Variants in RBFOX1 observed in about 807,000 individuals in gnomAD.
RBFOX1 encodes RNA binding protein fox-1 homolog 1.
In RBFOX1, 8 loss-of-function variants were observed where a neutral mutation model predicts 57.7. The observed-to-expected ratio is 0.14, with a 90% confidence interval of 0.08 to 0.25. RBFOX1 has a LOEUF of 0.25. Among genes scored for constraint, RBFOX1 ranks in the 10% least tolerant of loss-of-function variants. The pLI is 1.00. For synonymous variants in RBFOX1, 326 were observed against 222.4 expected (o/e 1.47, Z -4.15); for missense variants, 611 against 548.5 (o/e 1.11, Z -1.14).
At chr16:7,115,163 A>G (rs2065614551) in intron 4 of RBFOX1, among the ~76,000 whole-genome samples, 1 of 152,172 alleles carries the variant, frequency 6.6e-6, no homozygotes, top group African/African-American at 2.4e-5. Context: ...TAGTGGTGCA[A>G]CTTTTATAAA....
At chr16:5,651,925 G>T (rs1456962525) in intron 3 of RBFOX1, among the ~76,000 whole-genome samples, 1 of 152,128 alleles carries the variant, frequency 6.6e-6, no homozygotes, top group Non-Finnish European at 1.5e-5. Context: ...TTGAGGTCAG[G>T]AGTTCAAGAC....
At chr16:6,876,645 G>A (rs1220983656) in intron 3 of RBFOX1, among the ~76,000 whole-genome samples, 1 of 151,778 alleles carries the variant, frequency 6.6e-6, no homozygotes, top group Non-Finnish European at 1.5e-5. Flanking sequence ...TTTTCTAAGA[G>A]TACATTTCTC....
chr16:5,911,248 G>C (rs1057380798), intron 4 of RBFOX1, among the ~76,000 whole-genome samples: 6 of 152,094 alleles, frequency 3.9e-5, no homozygotes, highest in African/African-American at 1.4e-4. Flanking sequence ...TCCACTGTCT[G>C]TTTTTCACCC....
chr16:5,878,036 A>G (rs754325402), intron 4 of RBFOX1, among the ~76,000 whole-genome samples: 6 of 152,236 alleles, frequency 3.9e-5, no homozygotes, highest in Non-Finnish European at 8.8e-5. Context: ...ATTGGAGACT[A>G]TATACACAGA....
At chr16:5,255,002 C>G (rs2062548247) in intron 1 of RBFOX1, among the ~76,000 whole-genome samples, 1 of 152,262 alleles carries the variant, frequency 6.6e-6, no homozygotes, top group Non-Finnish European at 1.5e-5. Context: ...CTCTACCTGC[C>G]CAGCATGGCA....
intron 2 of RBFOX1, among the ~76,000 whole-genome samples, chr16:6,502,953 A>T (rs1265389115): frequency 6.6e-6 from 1 of 152,182 alleles, no homozygotes; most frequent in East Asian, 1.9e-4. Context: ...CCTTAATCTG[A>T]TATTATGGAA....
intron 3 of RBFOX1, among the ~76,000 whole-genome samples, chr16:5,715,828 G>A (rs1016849861): frequency 6.6e-6 from 1 of 152,184 alleles, no homozygotes; most frequent in Non-Finnish European, 1.5e-5. Context: ...AAAGCAAATA[G>A]CGAGAGAAGG....
At chr16:7,593,892 C>T (rs939196642) in intron 7 of RBFOX1, among the ~76,000 whole-genome samples, 4 of 152,206 alleles carry the variant, frequency 2.6e-5, no homozygotes, top group African/African-American at 9.6e-5. Context: ...CACTTGAATA[C>T]ATCCACATCC....
chr16:7,637,117 G>T (rs2061891921), intron 11 of RBFOX1, among the ~76,000 whole-genome samples: 1 of 152,158 alleles, frequency 6.6e-6, no homozygotes, highest in South Asian at 2.1e-4. Flanking sequence ...TTTCTTTATT[G>T]TTCCGTATGC....
intron 4 of RBFOX1, among the ~76,000 whole-genome samples, chr16:7,265,175 C>T (rs1218201324): frequency 1.3e-5 from 2 of 152,170 alleles, no homozygotes; most frequent in African/African-American, 4.8e-5. Context: ...ATCCAGTTGC[C>T]ATAGCAAAGT....
At chr16:7,043,180 C>T (rs1008976576) in intron 3 of RBFOX1, among the ~76,000 whole-genome samples, 1 of 152,146 alleles carries the variant, frequency 6.6e-6, no homozygotes, top group Non-Finnish European at 1.5e-5. Flanking sequence ...GCTCCAGAAA[C>T]AACTGACTGA....
At position 6,227,142 on chromosome 16, in the gene RBFOX1, A is replaced by G. The variant is rs2097424375; in HGVS notation, c.-126-89853A>G. ...CTGTCTCAAGAAAAAAAAAAGTAAT[A>G]TTATTATTACTGCCTCATATATCTT... On this transcript the variant is annotated intron_variant, in intron 1 of 15. Transcript: ENST00000550418. 2.6e-5 allele frequency among the ~76,000 whole-genome samples: 4 copies of G among 151,828 alleles called. No individual in the cohort carries two copies. The South Asian group carries it at 8.3e-4, about 32-fold the overall frequency.
intron 3 of RBFOX1, among the ~76,000 whole-genome samples, chr16:6,956,624 C>G (rs765669033): frequency 3.3e-5 from 5 of 152,218 alleles, no homozygotes; most frequent in Admixed American, 2.0e-4. Context: ...CACAGCCCGT[C>G]TTCCCTTCTT....
At chr16:6,742,394 T>C (rs1386439691) in intron 3 of RBFOX1, among the ~76,000 whole-genome samples, 1 of 152,160 alleles carries the variant, frequency 6.6e-6, no homozygotes, top group Non-Finnish European at 1.5e-5. Context: ...CAATGCAAAA[T>C]GACACAACTC....
intron 1 of RBFOX1, among the ~76,000 whole-genome samples, chr16:5,420,060 G>A (rs2067270105): frequency 6.6e-6 from 1 of 152,182 alleles, no homozygotes; most frequent in African/African-American, 2.4e-5. Context: ...CATATAGCCT[G>A]CAGAACTGTG....
At chr16:6,723,078 C>T (rs189701602) in intron 3 of RBFOX1, among the ~76,000 whole-genome samples, 4 of 152,266 alleles carry the variant, frequency 2.6e-5, no homozygotes, top group East Asian at 1.9e-4. Flanking sequence ...GGCAATGTCC[C>T]ATGAGTGGTG....
chr16:6,772,317 T>C (rs1024760542), intron 3 of RBFOX1, among the ~76,000 whole-genome samples: 7 of 152,176 alleles, frequency 4.6e-5, no homozygotes, highest in Non-Finnish European at 8.8e-5. Flanking sequence ...GAAGGATCGA[T>C]TGTGCTCAAA....
At chr16:6,453,859 C>T (rs987506277) in intron 2 of RBFOX1, among the ~76,000 whole-genome samples, 2 of 152,336 alleles carry the variant, frequency 1.3e-5, no homozygotes, top group East Asian at 1.9e-4. Context: ...CTGGATGGCA[C>T]GGATATGTGA....
chr16:7,059,733 G>A (rs1270051212), intron 4 of RBFOX1, among the ~76,000 whole-genome samples: 1 of 152,106 alleles, frequency 6.6e-6, no homozygotes, highest in South Asian at 2.1e-4. Context: ...TGACTGTTTG[G>A]TACAAATTTA....
Sources: gnomAD v4.1 joint callset for allele counts (sites outside exome capture counted in the v4.1 genomes callset) on GRCh38, gnomAD v4.1.1 for gene constraint, MANE v1.5 for transcripts, NCBI Gene and HGNC (gene_info 2026-07-23, HGNC 2026-07-21) for gene names.